SLC25A21: variants seen among roughly 807,000 people sequenced by gnomAD.
SLC25A21 encodes mitochondrial 2-oxodicarboxylate carrier.
A neutral mutation model predicts 43.8 loss-of-function variants in SLC25A21; 47 were observed. The observed-to-expected ratio is 1.07, with a 90% CI of 0.85 to 1.37. SLC25A21 has a LOEUF of 1.37. SLC25A21 is among the 40% of genes most tolerant of loss of function. The pLI, the probability that SLC25A21 is intolerant of heterozygous loss-of-function variation, is 0.00. For synonymous variants in SLC25A21, 131 were observed against 121.3 expected (o/e 1.08, Z -0.52); for missense variants, 352 against 350.2 (o/e 1.00, Z -0.04).
intron 1 of SLC25A21, among the ~76,000 whole-genome samples, chr14:37,121,483 A>G (rs1173481947): frequency 6.6e-6 from 1 of 152,088 alleles, no homozygotes; most frequent in Non-Finnish European, 1.5e-5. Flanking sequence ...TTTGTTTTTT[A>G]TTTTGTTTTA....
At chr14:36,725,523 A>G (rs1437587484) in intron 6 of SLC25A21, 47 bp downstream of exon 6, 1 of 736,944 alleles carries the variant, frequency 1.4e-6, no homozygotes, top group Non-Finnish European at 1.9e-6. Context: ...AAATAAATAA[A>G]TAAATTTTTA....
intron 3 of SLC25A21, among the ~76,000 whole-genome samples, chr14:36,751,866 G>A (rs1434232969): frequency 6.6e-6 from 1 of 152,178 alleles, no homozygotes; most frequent in East Asian, 1.9e-4. Flanking sequence ...TTGATGGAAA[G>A]GTGATCTTTA....
intron 3 of SLC25A21, among the ~76,000 whole-genome samples, chr14:36,761,953 T>A (rs1886173475): frequency 6.6e-6 from 1 of 152,222 alleles, no homozygotes; most frequent in Non-Finnish European, 1.5e-5. Flanking sequence ...AAAGTGGGGA[T>A]TAGACAAGAA....
intron 2 of SLC25A21, among the ~76,000 whole-genome samples, chr14:36,850,676 T>G (rs982627728): frequency 2.0e-5 from 3 of 152,266 alleles, no homozygotes; most frequent in Non-Finnish European, 2.9e-5. Context: ...CCATATTACC[T>G]CTACTCTACC....
chr14:36,770,778 ACTGC>A (rs1234128207), intron 3 of SLC25A21, among the ~76,000 whole-genome samples: 2 of 152,086 alleles, frequency 1.3e-5, no homozygotes, highest in East Asian at 3.9e-4. Context: ...AGATTTGGAG[ACTGC>A]CTGGATTTCA....
chr14:37,070,634 C>A (rs916513297), intron 1 of SLC25A21, among the ~76,000 whole-genome samples: 4 of 152,126 alleles, frequency 2.6e-5, no homozygotes, highest in African/African-American at 9.7e-5. Flanking sequence ...TTTCTCTGTA[C>A]CCTCTCACTT....
At chr14:36,794,505 T>G (rs1328310411) in intron 3 of SLC25A21, among the ~76,000 whole-genome samples, 1 of 152,162 alleles carries the variant, frequency 6.6e-6, no homozygotes, top group Non-Finnish European at 1.5e-5. Context: ...TGGTGGCTCA[T>G]GCCTGTAAGC....
chr14:36,763,914 A>C (rs1323965121), intron 3 of SLC25A21, among the ~76,000 whole-genome samples: 2 of 150,816 alleles, frequency 1.3e-5, no homozygotes, highest in Non-Finnish European at 2.9e-5. Context: ...CTGTAATCTC[A>C]GTTACTTGGG....
At chr14:36,964,439 G>A (rs1048545990) in intron 1 of SLC25A21, among the ~76,000 whole-genome samples, 1 of 152,172 alleles carries the variant, frequency 6.6e-6, no homozygotes, top group Non-Finnish European at 1.5e-5. Flanking sequence ...AATCTCCAGG[G>A]TGGAACAGTC....
At chr14:36,978,068 T>G (rs558069342) in intron 1 of SLC25A21, among the ~76,000 whole-genome samples, 1 of 152,152 alleles carries the variant, frequency 6.6e-6, no homozygotes, top group East Asian at 1.9e-4. Flanking sequence ...AATCAAGATG[T>G]GATTATAAAG....
intron 1 of SLC25A21, among the ~76,000 whole-genome samples, chr14:36,960,947 T>C (rs1446023174): frequency 6.6e-6 from 1 of 152,202 alleles, no homozygotes; most frequent in African/African-American, 2.4e-5. Flanking sequence ...TAATTGCTCA[T>C]ATGGAATTCA....
At chr14:37,129,290 A>C (rs368225908) in intron 1 of SLC25A21, among the ~76,000 whole-genome samples, 2 of 152,180 alleles carry the variant, frequency 1.3e-5, no homozygotes, top group African/African-American at 4.8e-5. Flanking sequence ...AAACCAAACA[A>C]TTGGCACTTT....
intron 1 of SLC25A21, among the ~76,000 whole-genome samples, chr14:36,957,493 G>A (rs1205403403): frequency 6.6e-6 from 1 of 152,190 alleles, no homozygotes; most frequent in Admixed American, 6.5e-5. Flanking sequence ...GTTGGGAGTA[G>A]GACGGGGTAC....
At chr14:36,726,677 A>G (rs1884614939) in intron 5 of SLC25A21, among the ~76,000 whole-genome samples, 1 of 152,244 alleles carries the variant, frequency 6.6e-6, no homozygotes, top group African/African-American at 2.4e-5. Flanking sequence ...ATCAAAAATA[A>G]GCACAACAAT....
At chr14:37,162,856 G>C (rs1038010882) in intron 1 of SLC25A21, among the ~76,000 whole-genome samples, 23 of 152,096 alleles carry the variant, frequency 1.5e-4, no homozygotes, top group Non-Finnish European at 2.2e-4. Flanking sequence ...GTTTATTGCA[G>C]CACTATTCAC....
chr14:36,887,224 A>G (rs1890943709), intron 1 of SLC25A21, among the ~76,000 whole-genome samples: 1 of 151,732 alleles, frequency 6.6e-6, no homozygotes, highest in Non-Finnish European at 1.5e-5. Flanking sequence ...ATATATATAT[A>G]TATATATTCA....
intron 1 of SLC25A21, among the ~76,000 whole-genome samples, chr14:37,110,807 T>G (rs986008429): frequency 6.6e-6 from 1 of 152,208 alleles, no homozygotes; most frequent in Non-Finnish European, 1.5e-5. Flanking sequence ...ATAGCCTGCT[T>G]GAACCAGCAC....
chr14:37,077,031 T>A (rs2138833182), intron 1 of SLC25A21, among the ~76,000 whole-genome samples: 1 of 152,310 alleles, frequency 6.6e-6, no homozygotes, highest in Non-Finnish European at 1.5e-5. Flanking sequence ...GCATAAAAAA[T>A]TTGAGCTGTT....
chr14:37,007,924 A>G (rs1960643050), intron 1 of SLC25A21, among the ~76,000 whole-genome samples: 1 of 149,138 alleles, frequency 6.7e-6, no homozygotes, highest in Admixed American at 6.8e-5. Flanking sequence ...ACCATCCTCA[A>G]GTAAACTACC....
Sources: allele counts gnomAD v4.1 joint callset (sites outside exome capture counted in the v4.1 genomes callset), GRCh38; gene constraint gnomAD v4.1.1; transcripts MANE v1.5; gene names NCBI Gene and HGNC (gene_info 2026-07-23, HGNC 2026-07-21).